DCC: variants seen among roughly 807,000 people sequenced by gnomAD.
DCC encodes the protein DCC netrin 1 receptor.
Under a neutral mutation model 172.5 loss-of-function variants are expected in DCC, and 58 were observed. The observed-to-expected ratio is 0.34, with a 90% CI of 0.27 to 0.42. DCC has a LOEUF of 0.42. DCC is among the 10% of genes least tolerant of loss of function. The pLI, the probability that DCC is intolerant of heterozygous loss-of-function variation, is 1.00. For missense variants in DCC, 1,740 were observed against 1,791.0 expected (o/e 0.97, Z 0.51); for synonymous variants, 709 against 644.5 (o/e 1.10, Z -1.52).
chr18:53,175,500 T>C (rs1308216186), intron 8 of DCC, among the ~76,000 whole-genome samples: 3 of 150,594 alleles, frequency 2.0e-5, no homozygotes, highest in Non-Finnish European at 3.0e-5. Context: ...AAAATCAATG[T>C]ACAAAAATCA....
At chr18:52,925,685 A>G (rs1261171583) in intron 5 of DCC, among the ~76,000 whole-genome samples, 1 of 152,024 alleles carries the variant, frequency 6.6e-6, no homozygotes, top group Non-Finnish European at 1.5e-5. Flanking sequence ...TATCTGGGAA[A>G]ATAAATGAAG....
intron 2 of DCC, among the ~76,000 whole-genome samples, chr18:52,848,158 T>G (rs1333234053): frequency 1.3e-5 from 2 of 148,550 alleles, no homozygotes; most frequent in Non-Finnish European, 1.5e-5. Flanking sequence ...CAATCTCAGC[T>G]CACTGCAACC....
intron 1 of DCC, among the ~76,000 whole-genome samples, chr18:52,628,336 T>A (rs1168361083): frequency 6.6e-6 from 1 of 152,242 alleles, no homozygotes; most frequent in African/African-American, 2.4e-5. Flanking sequence ...TGCAAACCAC[T>A]CACATCCAAG....
intron 25 of DCC, among the ~76,000 whole-genome samples, chr18:53,469,754 T>C (rs2045672665): frequency 1.3e-5 from 2 of 152,152 alleles, no homozygotes; most frequent in Admixed American, 6.6e-5. Context: ...CCCCCTCCAA[T>C]TGAAACCATA....
chr18:53,059,486 C>A (rs1351786956), intron 5 of DCC, among the ~76,000 whole-genome samples: 1 of 152,110 alleles, frequency 6.6e-6, no homozygotes, highest in African/African-American at 2.4e-5. Context: ...AGAGCTTTAA[C>A]CTAATTCCTA....
chr18:52,562,388 T>C (rs1278955218), intron 1 of DCC, among the ~76,000 whole-genome samples: 3 of 152,188 alleles, frequency 2.0e-5, no homozygotes, highest in African/African-American at 7.2e-5. Flanking sequence ...ACAATCAACA[T>C]TCATGGGTCC....
At chr18:53,455,315 A>G (rs12607295) in intron 23 of DCC, among the ~76,000 whole-genome samples, 73,477 of 152,006 alleles carry the variant, frequency 0.48, 18,813 homozygotes, top group Non-Finnish European at 0.58. Flanking sequence ...TGGAAATTTA[A>G]TAATTTATTA....
At chr18:53,347,778 T>C (rs2057742486) in intron 15 of DCC, among the ~76,000 whole-genome samples, 1 of 152,074 alleles carries the variant, frequency 6.6e-6, no homozygotes, top group African/African-American at 2.4e-5. Flanking sequence ...AGTCACATCT[T>C]ACATAGAGGG....
At chr18:53,197,600 G>T (rs1320116159) in intron 9 of DCC, among the ~76,000 whole-genome samples, 9 of 151,806 alleles carry the variant, frequency 5.9e-5, no homozygotes, top group Admixed American at 5.9e-4. Context: ...TCAGTATAAT[G>T]GCTCGGAGAC....
intron 3 of DCC, among the ~76,000 whole-genome samples, chr18:52,922,681 T>C (rs2040144218): frequency 6.6e-6 from 1 of 152,140 alleles, no homozygotes; most frequent in African/African-American, 2.4e-5. Context: ...CAAATAAACT[T>C]TGAGTGACAT....
chr18:53,240,744 A>G (rs2056280095), intron 12 of DCC, among the ~76,000 whole-genome samples: 1 of 152,188 alleles, frequency 6.6e-6, no homozygotes, highest in South Asian at 2.1e-4. Context: ...GGTTGTCATT[A>G]TCATTTTTAT....
rs71175533 is a variant in DCC, at chr18:52,879,412, C to CTTTTTTTTTTTTTTTTTTTTTTTTTTT, written c.413-26629_413-26603dup. Among the ~76,000 whole-genome samples, 57 of 62,316 alleles carry CTTTTTTTTTTTTTTTTTTTTTTTTTTT rather than the reference C, an allele frequency of 9.1e-4. 9 individuals carry two copies. The highest frequency in any genetic ancestry group is 1.8e-3 in the East Asian group (3 of 1,700). The allele number at this position is 62,316 out of a possible 152,430, so 40.9% of individuals were successfully genotyped here. A position where few individuals can be genotyped will look rare whatever the true frequency, so the allele number is the denominator to read the frequency against. On this transcript the variant is annotated intron_variant, in intron 2 of 28. Coordinates refer to ENST00000442544, the MANE Select transcript of DCC (RefSeq NM_005215.4). ...AATTTCTAGCCCATATGTTGTTTGGCTTTTTTTTTTTTTTTTTTTTTTTTT... is the reference window on the plus strand; with the variant it reads ...AATTTCTAGCCCATATGTTGTTTGGCTTTTTTTTTTTTTTTTTTTTTTTTTTTTTTTTTTTTTTTTTTTTTTTTTTTT...
chr18:52,665,735 A>G (rs1706135045), intron 1 of DCC, among the ~76,000 whole-genome samples: 1 of 152,234 alleles, frequency 6.6e-6, no homozygotes, highest in Non-Finnish European at 1.5e-5. Context: ...TAAGGAAGTC[A>G]ATGCCTAATT....
At chr18:52,755,963 GGAAGGAAAGTAGGAAAGATAAAC>G (rs1384943980) in intron 2 of DCC, among the ~76,000 whole-genome samples, 21 of 152,062 alleles carry the variant, frequency 1.4e-4, no homozygotes, top group Non-Finnish European at 1.5e-4. Context: ...GGCTGGAGAG[GGAAGGAAAGTAGGAAAGATAAAC>G]GAAGAACTAT....
intron 25 of DCC, chr18:53,481,017 G>A (rs1357244482): frequency 6.6e-6 from 1 of 152,152 alleles, no homozygotes; most frequent in Admixed American, 6.6e-5. Context: ...CTGTCCTTAA[G>A]ACATAACACC....
intron 12 of DCC, among the ~76,000 whole-genome samples, chr18:53,255,403 C>T (rs1333642974): frequency 7.8e-6 from 1 of 127,968 alleles, no homozygotes; most frequent in Non-Finnish European, 1.6e-5. Context: ...GTGTGATGTT[C>T]CCCTTCCTGT....
chr18:53,138,524 G>A (rs978621657), intron 7 of DCC, among the ~76,000 whole-genome samples: 16 of 152,126 alleles, frequency 1.1e-4, no homozygotes, highest in African/African-American at 3.9e-4. Flanking sequence ...AATGATTTCT[G>A]ACATAATTGC....
intron 19 of DCC, among the ~76,000 whole-genome samples, chr18:53,407,528 G>GATATATATATATATATATATATATAT (rs74180422): frequency 1.8e-4 from 21 of 117,434 alleles, no homozygotes; most frequent in East Asian, 6.5e-4. Flanking sequence ...TTTTATTCTG[G>GATATATATATATATATATATATATAT]ATATATATAT....
At chr18:52,651,599 A>G (rs1377350678) in intron 1 of DCC, among the ~76,000 whole-genome samples, 2 of 151,078 alleles carry the variant, frequency 1.3e-5, no homozygotes, top group Non-Finnish European at 2.9e-5. Context: ...ATTGTGTAAT[A>G]TTGCATCATA....
Sources: gnomAD v4.1 joint callset for allele counts (sites outside exome capture counted in the v4.1 genomes callset) on GRCh38, gnomAD v4.1.1 for gene constraint, MANE v1.5 for transcripts, NCBI Gene and HGNC (gene_info 2026-07-23, HGNC 2026-07-21) for gene names.